The following SCP2 variants were observed in gnomAD, a reference collection of about 807,000 sequenced individuals.
The protein encoded by SCP2 is SCP-2/3-oxoacyl-CoA thiolase.
SCP2 carries 48 observed loss-of-function variants against 71.4 expected under a neutral mutation model. The observed-to-expected ratio is 0.67, with a 90% CI of 0.53 to 0.86. The LOEUF (loss-of-function observed/expected upper bound fraction) is 0.86, where lower values mean the gene tolerates loss of function less well. Among genes scored for constraint, SCP2 ranks in the 40% least tolerant of loss-of-function variants. The probability of loss-of-function intolerance (pLI) is 0.00; values close to 1 mark genes in which losing one functional copy is unlikely to be tolerated. For synonymous variants in SCP2, 220 were observed against 218.1 expected (o/e 1.01, Z -0.08); for missense variants, 560 against 655.6 (o/e 0.85, Z 1.59).
chr1:52,936,660 T>A (rs1203346588), intron 1 of SCP2, among the ~76,000 whole-genome samples: 1 of 152,208 alleles, frequency 6.6e-6, no homozygotes, highest in African/African-American at 2.4e-5. Context: ...AGCCTGTAGA[T>A]TAAAAGAGAA....
chr1:52,953,275 A>G (rs1431296248), intron 4 of SCP2, among the ~76,000 whole-genome samples: 1 of 152,154 alleles, frequency 6.6e-6, no homozygotes. Context: ...ACACATTTCT[A>G]CATTAACATG....
chr1:52,968,530 T>C (rs1009093964), intron 6 of SCP2, among the ~76,000 whole-genome samples: 6 of 152,216 alleles, frequency 3.9e-5, no homozygotes, highest in Admixed American at 2.0e-4. Context: ...AATTTACTCT[T>C]TTAAAGTGTA....
intron 13 of SCP2, among the ~76,000 whole-genome samples, chr1:53,036,036 A>AG (rs548414737): frequency 0.11 from 15,850 of 147,804 alleles, 1,705 homozygotes; most frequent in African/African-American, 0.27. Context: ...AAAAAAAAAA[A>AG]AAAAGAAAAC....
chr1:52,931,672 G>C (rs1320704434), intron 1 of SCP2, among the ~76,000 whole-genome samples: 2 of 152,192 alleles, frequency 1.3e-5, no homozygotes, highest in Non-Finnish European at 2.9e-5. Context: ...GTGAAGATCA[G>C]CAGTTGATAA....
chr1:52,993,568 C>G (rs557582125), intron 11 of SCP2: 2 of 1,612,036 alleles, frequency 1.2e-6, no homozygotes, highest in South Asian at 1.1e-5. Context: ...TCCTCATATA[C>G]TGTTCTCTCA....
chr1:53,035,063 C>A (rs571175473), intron 13 of SCP2, among the ~76,000 whole-genome samples: 1 of 151,840 alleles, frequency 6.6e-6, no homozygotes, highest in East Asian at 1.9e-4. Flanking sequence ...TGAGATCACG[C>A]CACTGCACTC....
At chr1:53,032,874 A>C (rs1005307141) in intron 13 of SCP2, among the ~76,000 whole-genome samples, 1 of 152,164 alleles carries the variant, frequency 6.6e-6, no homozygotes. Flanking sequence ...GGTTTTGTGA[A>C]GATTAAAGAA....
rs973858187 is a variant in SCP2, at chr1:53,000,229, C to G, written c.1081+12093C>G. On this transcript the variant is annotated intron_variant, in intron 11 of 15. Coordinates refer to ENST00000371514, the MANE Select transcript of SCP2 (RefSeq NM_002979.5). Reference sequence around the variant, plus strand: ...AGGAGTTTGAGACCAGCCTGGGCAACAAAGCGAGACCCTAGTTTCTACCAA... The same window carrying G: ...AGGAGTTTGAGACCAGCCTGGGCAAGAAAGCGAGACCCTAGTTTCTACCAA... Among the ~76,000 whole-genome samples, 5 of 81,638 alleles carry G rather than the reference C, an allele frequency of 6.1e-5. No individual in the cohort carries two copies. The South Asian group carries it at 1.9e-3, about 30-fold the overall frequency. The allele number at this position is 81,638 out of a possible 152,430, so 53.6% of individuals were successfully genotyped here. A position where few individuals can be genotyped will look rare whatever the true frequency, so the allele number is the denominator to read the frequency against.
intron 12 of SCP2, among the ~76,000 whole-genome samples, chr1:53,019,431 A>G (rs1288965167): frequency 6.6e-6 from 1 of 152,212 alleles, no homozygotes; most frequent in East Asian, 1.9e-4. Context: ...GATTTTCAAA[A>G]TGCCCCTGAT....
intron 13 of SCP2, among the ~76,000 whole-genome samples, chr1:53,030,197 C>G (rs1322112336): frequency 6.6e-6 from 1 of 152,140 alleles, no homozygotes; most frequent in Non-Finnish European, 1.5e-5. Context: ...CGTTTACCCT[C>G]ATTTTTAATA....
intron 12 of SCP2, among the ~76,000 whole-genome samples, chr1:53,025,799 T>C (rs924650587): frequency 1.1e-4 from 16 of 152,200 alleles, no homozygotes; most frequent in African/African-American, 3.9e-4. Context: ...CACACTGTTG[T>C]AAGAATAATC....
chr1:52,947,241 T>TAAAAAAAA (rs34249724), intron 2 of SCP2, among the ~76,000 whole-genome samples: 1 of 54,424 alleles, frequency 1.8e-5, no homozygotes, highest in Non-Finnish European at 3.3e-5. Context: ...ATGTTGTCCT[T>TAAAAAAAA]AAAAAAAAAA....
chr1:52,988,648 C>T (rs1659200571), intron 11 of SCP2, among the ~76,000 whole-genome samples: 1 of 151,190 alleles, frequency 6.6e-6, no homozygotes, highest in Non-Finnish European at 1.5e-5. Flanking sequence ...AAATTAAGCC[C>T]AAACCTCACC....
intron 2 of SCP2, among the ~76,000 whole-genome samples, chr1:52,943,308 C>T (rs1020138432): frequency 5.3e-5 from 8 of 151,378 alleles, no homozygotes; most frequent in African/African-American, 1.9e-4. Context: ...CTGCAAGCTC[C>T]GCCTCCCGGG....
chr1:53,012,303 A>G (rs1471620775), intron 11 of SCP2, among the ~76,000 whole-genome samples: 1 of 152,218 alleles, frequency 6.6e-6, no homozygotes, highest in African/African-American at 2.4e-5. Context: ...TTAGCATTAG[A>G]TCATATGCTT....
chr1:52,943,702 G>T, intron 2 of SCP2: 1 of 447,050 alleles, frequency 2.2e-6, no homozygotes. Context: ...CTGTTTTTAA[G>T]TCCTGAGCAA....
intron 12 of SCP2, among the ~76,000 whole-genome samples, chr1:53,021,012 C>T (rs1258468416): frequency 6.6e-6 from 1 of 151,896 alleles, no homozygotes; most frequent in Non-Finnish European, 1.5e-5. Flanking sequence ...TAACAGCAAC[C>T]ACTTTTTTTT....
intron 11 of SCP2, among the ~76,000 whole-genome samples, chr1:52,999,901 C>G (rs1334002574): frequency 1.4e-5 from 2 of 147,498 alleles, no homozygotes; most frequent in Admixed American, 7.0e-5. Flanking sequence ...ATTGCAACCT[C>G]TGCCTCCCAG....
chr1:52,995,117 A>G (rs1313182385), intron 11 of SCP2: 3 of 498,192 alleles, frequency 6.0e-6, no homozygotes, highest in South Asian at 3.2e-5. Flanking sequence ...GACTGCCTGC[A>G]GGGCTTGCAG....
Sources: allele counts gnomAD v4.1 joint callset (sites outside exome capture counted in the v4.1 genomes callset), GRCh38; gene constraint gnomAD v4.1.1; transcripts MANE v1.5; gene names NCBI Gene and HGNC (gene_info 2026-07-23, HGNC 2026-07-21).